Variants in NBEAL1 observed in about 807,000 individuals in gnomAD.
NBEAL1 encodes the protein neurobeachin like 1, also known as neurobeachin-like protein 1.
Under a neutral mutation model 351.3 loss-of-function variants are expected in NBEAL1, and 273 were observed. The observed-to-expected ratio is 0.78, with a 90% CI of 0.70 to 0.86. The LOEUF (loss-of-function observed/expected upper bound fraction) is 0.86, where lower values mean the gene tolerates loss of function less well. Among genes scored for constraint, NBEAL1 ranks in the 40% least tolerant of loss-of-function variants. The pLI is 0.00. For synonymous variants in NBEAL1, 1,050 were observed against 1,086.4 expected (o/e 0.97, Z 0.66); for missense variants, 2,961 against 3,201.3 (o/e 0.92, Z 1.81).
chr2:203,207,869 A>G (rs892573506), intron 51 of NBEAL1, among the ~76,000 whole-genome samples: 2 of 152,260 alleles, frequency 1.3e-5, no homozygotes, highest in African/African-American at 2.4e-5. Flanking sequence ...AGATGTAATC[A>G]AAGTGAATGC....
At chr2:203,177,944 G>A (rs971749360) in intron 42 of NBEAL1, among the ~76,000 whole-genome samples, 13 of 151,686 alleles carry the variant, frequency 8.6e-5, no homozygotes, top group African/African-American at 1.9e-4. Context: ...GCCTGAACCC[G>A]GGAGGCGGAC....
chr2:203,103,857 T>C (rs2062379122), intron 12 of NBEAL1, among the ~76,000 whole-genome samples: 1 of 152,204 alleles, frequency 6.6e-6, no homozygotes, highest in African/African-American at 2.4e-5. Flanking sequence ...ATTTTATTAT[T>C]TACCCAGGAG....
At chr2:203,191,029 GCCCT>G (rs2065063622) in intron 46 of NBEAL1, 1 of 1,601,712 alleles carries the variant, frequency 6.2e-7, no homozygotes, top group Non-Finnish European at 8.5e-7. Context: ...GATCATCAAA[GCCCT>G]CAAGGAACCA....
intron 7 of NBEAL1, among the ~76,000 whole-genome samples, chr2:203,075,504 T>C (rs1242935561): frequency 1.3e-5 from 2 of 152,244 alleles, no homozygotes; most frequent in East Asian, 3.8e-4. Context: ...GCTTACAGTT[T>C]CTTTGTAGTT....
At chr2:203,145,547 C>T (rs2063489018) in intron 33 of NBEAL1, among the ~76,000 whole-genome samples, 1 of 151,920 alleles carries the variant, frequency 6.6e-6, no homozygotes, top group African/African-American at 2.4e-5. Context: ...CGTGTAATCC[C>T]CACACTTTGG....
chr2:203,088,071 T>C (rs2062000814), intron 10 of NBEAL1, among the ~76,000 whole-genome samples: 1 of 152,248 alleles, frequency 6.6e-6, no homozygotes, highest in Non-Finnish European at 1.5e-5. Flanking sequence ...TCATGTTTAC[T>C]CTATAGCTAG....
At chr2:203,102,233 C>T (rs1047293814) in intron 12 of NBEAL1, among the ~76,000 whole-genome samples, 3 of 152,214 alleles carry the variant, frequency 2.0e-5, no homozygotes, top group African/African-American at 4.8e-5. Context: ...GTTTTCTAGG[C>T]GTAGAATCAT....
chr2:203,071,938 C>T (rs1370332285), intron 7 of NBEAL1, among the ~76,000 whole-genome samples: 1 of 152,130 alleles, frequency 6.6e-6, no homozygotes, highest in African/African-American at 2.4e-5. Flanking sequence ...CACTGGGTTG[C>T]CAGTGTCACC....
At chr2:203,190,502 G>T (rs2065040495) in intron 46 of NBEAL1, 113 bp downstream of exon 46, 3 of 811,114 alleles carry the variant, frequency 3.7e-6, no homozygotes, top group Non-Finnish European at 5.9e-6. Context: ...CTCAGTCACA[G>T]AAAGATTTCT....
chr2:203,035,770 T>C (rs902539158), intron 2 of NBEAL1, among the ~76,000 whole-genome samples: 6 of 149,096 alleles, frequency 4.0e-5, no homozygotes, highest in African/African-American at 1.5e-4. Context: ...AAATTTAAAA[T>C]CAGGTGGCAA....
intron 6 of NBEAL1, among the ~76,000 whole-genome samples, chr2:203,059,130 C>T (rs531943106): frequency 3.1e-4 from 47 of 152,180 alleles, no homozygotes; most frequent in Non-Finnish European, 6.3e-4. Flanking sequence ...AGCCACCATA[C>T]CATTAGATGA....
chr2:203,033,873 C>T (rs2060993715), intron 2 of NBEAL1, among the ~76,000 whole-genome samples: 1 of 152,192 alleles, frequency 6.6e-6, no homozygotes, highest in Non-Finnish European at 1.5e-5. Flanking sequence ...CTGGATTCCT[C>T]TCTTCCCCCG....
intron 2 of NBEAL1, among the ~76,000 whole-genome samples, chr2:203,026,668 C>A (rs544626711): frequency 2.0e-5 from 3 of 152,244 alleles, no homozygotes; most frequent in Admixed American, 2.0e-4. Flanking sequence ...GTGTGCACCA[C>A]CATGCCCAGC....
At chr2:203,052,767 G>A (rs1401708460) in intron 4 of NBEAL1, among the ~76,000 whole-genome samples, 3 of 117,204 alleles carry the variant, frequency 2.6e-5, no homozygotes, top group Non-Finnish European at 5.5e-5. Context: ...TGTATTTTTT[G>A]TAGAGAAGGG....
In NBEAL1 at chr2:203,119,712, C is replaced by T. The variant is rs533008160; in HGVS notation, c.2593-2542C>T. 2.6e-5 allele frequency among the ~76,000 whole-genome samples: 4 copies of T among 152,238 alleles called. No individual in the cohort carries two copies. The South Asian group carries it at 8.3e-4, about 32-fold the overall frequency. On this transcript the variant is annotated intron_variant, in intron 18 of 55. Transcript: ENST00000683969. ...AAGTGCTGGGATTACAGGTGTGAGC[C>T]ACCGTGCCCGGCCCAGTTGCATTCT... is the stretch of plus-strand genomic sequence containing the variant.
chr2:203,071,765 T>C (rs2061686879), intron 7 of NBEAL1, among the ~76,000 whole-genome samples: 1 of 152,204 alleles, frequency 6.6e-6, no homozygotes, highest in African/African-American at 2.4e-5. Context: ...GAATACAATG[T>C]TGGAACAGGT....
intron 12 of NBEAL1, among the ~76,000 whole-genome samples, chr2:203,104,627 G>T (rs2062394933): frequency 6.6e-6 from 1 of 152,122 alleles, no homozygotes; most frequent in Non-Finnish European, 1.5e-5. Flanking sequence ...TGTGTGTGTG[G>T]TTGCTTTATA....
Position 203,138,711 on chromosome 2 carries a change from A to T in NBEAL1, c.4811A>T (p.Gln1604Leu). 1.2e-6 allele frequency: 2 copies of T among 1,613,050 alleles called. No homozygotes were observed. Among genetic ancestry groups the T allele is most frequent in the Non-Finnish European group, 1.7e-6 (2 of 1,179,668 alleles). ...VWVKLSQIQIQLLLGFIGRGN... is the reference protein window; with the variant it reads ...VWVKLSQIQILLLLGFIGRGN... ...GTAAAACTCTCTCAAATTCAGATCC[A>T]GTTGCTTCTAGGATTCATTGGAAGG... is the stretch of plus-strand genomic sequence containing the variant. The change falls in exon 31 of 56, where the codon CAG becomes CTG. Residue 1604 changes from glutamine to leucine, a missense_variant. Transcript: ENST00000683969.
intron 6 of NBEAL1, among the ~76,000 whole-genome samples, chr2:203,059,798 T>G (rs1302952324): frequency 6.6e-6 from 1 of 152,220 alleles, no homozygotes; most frequent in Non-Finnish European, 1.5e-5. Flanking sequence ...GTGGGAGGAC[T>G]GATTGAGCCC....
Sources: gnomAD v4.1 joint callset for allele counts (sites outside exome capture counted in the v4.1 genomes callset) on GRCh38, gnomAD v4.1.1 for gene constraint, MANE v1.5 for transcripts, NCBI Gene and HGNC (gene_info 2026-07-23, HGNC 2026-07-21) for gene names.